Variants in CORO1B observed in about 807,000 individuals in gnomAD.
CORO1B encodes coronin 1B, also known as coronin-1B.
CORO1B carries 30 observed loss-of-function variants against 51.1 expected under a neutral mutation model. That is an observed-to-expected ratio of 0.59 (90% CI 0.44 to 0.80). The LOEUF (loss-of-function observed/expected upper bound fraction) is 0.80, where lower values mean the gene tolerates loss of function less well. Among genes scored for constraint, CORO1B ranks in the 30% least tolerant of loss-of-function variants. The probability of loss-of-function intolerance (pLI) is 0.00; values close to 1 mark genes in which losing one functional copy is unlikely to be tolerated. For synonymous variants in CORO1B, 310 were observed against 289.7 expected (o/e 1.07, Z -0.71); for missense variants, 648 against 700.4 (o/e 0.93, Z 0.84).
In CORO1B at chr11:67,441,870, A is replaced by AG; in HGVS notation, c.325-9dup. On this transcript the variant is annotated splice_polypyrimidine_tract_variant and intron_variant, in intron 3 of 10. Coordinates refer to ENST00000341356, the MANE Select transcript of CORO1B (RefSeq NM_020441.3). Reference sequence around the variant, plus strand: ...CTCTGGGATCTGCCACACCTGTGGTAGGGACAGGGCCACCGAGCTCAGTCC... The same window carrying AG: ...CTCTGGGATCTGCCACACCTGTGGTAGGGGACAGGGCCACCGAGCTCAGTCC... The AG allele has an allele frequency of 6.2e-7, 1 of 1,613,108 alleles. No homozygotes were observed. Among genetic ancestry groups the AG allele is most frequent in the South Asian group, 1.1e-5 (1 of 91,088 alleles).
Position 67,442,003 on chromosome 11 carries a change from T to G in CORO1B, c.287A>C (p.Glu96Ala). 4 of 1,613,244 alleles carry G rather than the reference T, an allele frequency of 2.5e-6. No individual in the cohort carries two copies. Among genetic ancestry groups the G allele is most frequent in the Non-Finnish European group, 3.4e-6 (4 of 1,180,006 alleles). Residue 96 changes from glutamate (E) to alanine (A), a missense_variant, in exon 3 of 11, where the codon GAA becomes GCA. Glu to Ala is a moderately radical substitution (Grantham distance 107, BLOSUM62 -1). Transcript: ENST00000341356. ...LDIDWCPHND[E>A]VIASGSEDCT... is the part of the protein sequence containing the mutation. ...GTCCTCCGAGCCGCTGGCTATGACT[T>G]CGTCGTTGTGAGGACACCAGTCGAT...
chr11:67,438,279 A>G lies in CORO1B; in HGVS notation c.*97T>C, dbSNP rs759709865. ...GGAACTGACCCCTGCGCTGCCTCAG[A>G]GGCTCTGGGCAGCCAGCTAGCCCGG... On this transcript the variant is annotated 3_prime_UTR_variant, in exon 11 of 11. Transcript: ENST00000341356. 19 of 1,490,636 alleles carry G rather than the reference A, an allele frequency of 1.3e-5. No homozygotes were observed. Among genetic ancestry groups the G allele is most frequent in the Admixed American group, 9.9e-5 (5 of 50,386 alleles). The allele number at this position is 1,490,636 out of a possible 1,614,324, so 92.3% of individuals were successfully genotyped here.
chr11:67,442,032 C>T lies in CORO1B; in HGVS notation c.258G>A (p.Leu86=), dbSNP rs1301115874. The change falls in exon 3 of 11, where the codon CTG becomes CTA. Residue 86 remains leucine (L), a synonymous_variant. Coordinates refer to ENST00000341356, the MANE Select transcript of CORO1B (RefSeq NM_020441.3). ...CGTTGTGAGGACACCAGTCGATGTC[C>T]AGGACAGGTCCCGTGTGCCCACACA... ...PTVCGHTGPV[L]DIDWCPHNDE... 1.3e-5 allele frequency: 21 copies of T among 1,613,090 alleles called. No individual in the cohort carries two copies. The highest frequency in any genetic ancestry group is 1.4e-5 in the Non-Finnish European group (16 of 1,180,018).
Position 67,440,431 on chromosome 11 carries a change from G to A in CORO1B, c.765C>T (p.Leu255=), listed in dbSNP as rs373202807. 7 of 1,613,652 alleles carry A rather than the reference G, an allele frequency of 4.3e-6. No homozygotes were observed. The highest frequency in any genetic ancestry group is 1.3e-5 in the African/African-American group (1 of 74,930). Residue 255 remains leucine (L), a synonymous_variant, in exon 7 of 11, where the codon CTC becomes CTT. Transcript: ENST00000341356. ...GTTCCTGCAGGGCCATGGGTTCCTC[G>A]AGGTTTTCCTGGCACATTGCAGGCA... ...RQLALWDPEN[L]EEPMALQELD...
chr11:67,435,955 T>C lies in CORO1B; in HGVS notation c.*2421A>G. 1.2e-6 allele frequency: 2 copies of C among 1,613,452 alleles called. No individual in the cohort carries two copies. Among genetic ancestry groups the C allele is most frequent in the East Asian group, 4.5e-5 (2 of 44,884 alleles). On this transcript the variant is annotated 3_prime_UTR_variant, in exon 11 of 11. Transcript: ENST00000341356. ...GCTCTGGGCTGGACGCCTCTCCACA[T>C]TGCTGCTCGCCTTCCCCAGGGTCAG...
rs1864311165 is a variant in CORO1B, at chr11:67,437,514, C to T, written c.*862G>A. On this transcript the variant is annotated 3_prime_UTR_variant, in exon 11 of 11. Transcript: ENST00000341356. ...ACTCCTCTTAGGTCTCACCTCTTCC[C>T]TGGGGCCAATGTGGGGCCCTCCTTA... The T allele has an allele frequency of 3.2e-6, 4 of 1,267,542 alleles. No individual in the cohort carries two copies. In the African/African-American group the frequency reaches 4.6e-5, roughly 15 times the overall value. The allele number at this position is 1,267,542 out of a possible 1,614,324, so 78.5% of individuals were successfully genotyped here. A position where few individuals can be genotyped will look rare whatever the true frequency, so the allele number is the denominator to read the frequency against.
chr11:67,436,233 G>A lies in CORO1B; in HGVS notation c.*2143C>T. On this transcript the variant is annotated 3_prime_UTR_variant, in exon 11 of 11. Transcript: ENST00000341356. Reference sequence around the variant, plus strand: ...CCAGTGGCCAGCAGTAGGAGCAGCAGCAGCAGCAGGACAACGGTGACAGAG... The same window carrying A: ...CCAGTGGCCAGCAGTAGGAGCAGCAACAGCAGCAGGACAACGGTGACAGAG... 3 of 1,546,700 alleles carry A rather than the reference G, an allele frequency of 1.9e-6. No individual in the cohort carries two copies. Among genetic ancestry groups the A allele is most frequent in the Non-Finnish European group, 2.6e-6 (3 of 1,149,408 alleles).
In CORO1B at chr11:67,440,383, C is replaced by A; in HGVS notation, c.813G>T (p.Leu271=). The change falls in exon 7 of 11, where the codon CTG becomes CTT. Residue 271 remains leucine (L), a synonymous_variant. Transcript: ENST00000341356. The stretch of plus-strand genomic sequence containing the variant: ...TGGTGTCGGGGTCGTAGAAGGGCAG[C>A]AGGGCCCCGTTGCTCGAGTCCAGTT... The part of the protein sequence containing the change: ...LQELDSSNGA[L]LPFYDPDTSV... 1 of 1,613,904 alleles carries A rather than the reference C, an allele frequency of 6.2e-7. No homozygotes were observed. Among genetic ancestry groups the A allele is most frequent in the Non-Finnish European group, 8.5e-7 (1 of 1,180,002 alleles).
intron 1 of CORO1B, among the ~76,000 whole-genome samples, chr11:67,443,116 C>T (rs989890598): frequency 6.6e-6 from 1 of 152,176 alleles, no homozygotes; most frequent in Non-Finnish European, 1.5e-5. Context: ...TCCAGGGAGC[C>T]CCGGCATGGC....
chr11:67,440,420 A>T lies in CORO1B; in HGVS notation c.776T>A (p.Met259Lys). 2.5e-6 allele frequency: 4 copies of T among 1,613,836 alleles called. No individual in the cohort carries two copies. Among genetic ancestry groups the T allele is most frequent in the Non-Finnish European group, 3.4e-6 (4 of 1,179,980 alleles). ...GCTCGAGTCCAGTTCCTGCAGGGCC[A>T]TGGGTTCCTCGAGGTTTTCCTGGCA... ...LWDPENLEEPMALQELDSSNG... is the reference protein window; with the variant it reads ...LWDPENLEEPKALQELDSSNG... The change falls in exon 7 of 11, where the codon ATG becomes AAG. Residue 259 changes from methionine (M) to lysine (K), a missense_variant. Met to Lys is a moderately conservative substitution (Grantham distance 95, BLOSUM62 -1). Transcript: ENST00000341356.
At chr11:67,440,929 A>T (rs945980830) in intron 6 of CORO1B, 196 bp downstream of exon 6, 1 of 719,244 alleles carries the variant, frequency 1.4e-6, no homozygotes, top group Admixed American at 2.3e-5. Context: ...AGGCAGTGGG[A>T]GGCCATGGGG....
Position 67,435,558 on chromosome 11 carries a change from T to TGG in CORO1B, c.*2816_*2817dup, listed in dbSNP as rs141116917. Reference sequence around the variant, plus strand: ...CAAATGGTTGCCTGATGCCTGTGGTTGGGGGGGGCCGTTCCCGTGGTGAGC... The same window carrying TGG: ...CAAATGGTTGCCTGATGCCTGTGGTTGGGGGGGGGGCCGTTCCCGTGGTGAGC... On this transcript the variant is annotated 3_prime_UTR_variant, in exon 11 of 11. Coordinates refer to ENST00000341356, the MANE Select transcript of CORO1B (RefSeq NM_020441.3). 16 of 932,416 alleles carry TGG rather than the reference T, an allele frequency of 1.7e-5. No individual in the cohort carries two copies. In the African/African-American group the frequency reaches 2.4e-4, roughly 14 times the overall value. 57.8% of individuals were successfully genotyped at this position (932,416 alleles called of 1,614,324 possible).
At chr11:67,440,465 A>G (rs766100757) in intron 6 of CORO1B, 26 bp from the exon 7 acceptor site, 7 of 1,606,216 alleles carry the variant, frequency 4.4e-6, no homozygotes, top group Non-Finnish European at 6.0e-6. Context: ...CAGTCAGGCC[A>G]AGCAGAACCT....
rs765938315 is a variant in CORO1B at position 67,440,883 on chromosome 11, C to T, written c.756+242G>A. ...CAGGCAAGCAAGGGAGAGAAGGGCC[C>T]TTCCGTTGGCATGAACAACATGGGC... is the stretch of plus-strand genomic sequence containing the variant. On this transcript the variant is annotated intron_variant, in intron 6 of 10. Coordinates refer to ENST00000341356, the MANE Select transcript of CORO1B (RefSeq NM_020441.3). 4.7e-5 allele frequency: 31 copies of T among 658,228 alleles called. No individual in the cohort carries two copies. The South Asian group carries it at 5.1e-4, about 11-fold the overall frequency. The allele number at this position is 658,228 out of a possible 1,614,324, so 40.8% of individuals were successfully genotyped here. A position where few individuals can be genotyped will look rare whatever the true frequency, so the allele number is the denominator to read the frequency against.
Position 67,440,276 on chromosome 11 carries a change from G to T in CORO1B, c.862-13C>A. On this transcript the variant is annotated splice_polypyrimidine_tract_variant and intron_variant, in intron 7 of 10. Coordinates refer to ENST00000341356, the MANE Select transcript of CORO1B (RefSeq NM_020441.3). The stretch of plus-strand genomic sequence containing the variant: ...TGCTGGAGTCACCCTGTGTGGGGAG[G>T]GGGCTCAGCACCTGGGCACGCCTCT... 6.2e-7 allele frequency: 1 copy of T among 1,612,872 alleles called. No individual in the cohort carries two copies. Among genetic ancestry groups the T allele is most frequent in the Non-Finnish European group, 8.5e-7 (1 of 1,179,332 alleles).
upstream of CORO1B, chr11:67,443,495 T>C (rs1864437515): frequency 2.0e-6 from 2 of 983,984 alleles, no homozygotes; most frequent in Non-Finnish European, 2.4e-6. Context: ...ATTCAGGAAG[T>C]GACAGAGGGA....
chr11:67,439,486 G>A (rs534194157), intron 9 of CORO1B, among the ~76,000 whole-genome samples: 3 of 152,312 alleles, frequency 2.0e-5, no homozygotes, highest in African/African-American at 7.2e-5. Flanking sequence ...GCTGTGTTAT[G>A]GGTCCTGCCT....
At position 67,435,809 on chromosome 11, in the gene CORO1B, G is replaced by C; in HGVS notation, c.*2567C>G. The C allele has an allele frequency of 6.2e-7, 1 of 1,600,824 alleles. No individual in the cohort carries two copies. The highest frequency in any genetic ancestry group is 8.5e-7 in the Non-Finnish European group (1 of 1,174,686). On this transcript the variant is annotated 3_prime_UTR_variant, in exon 11 of 11. Transcript: ENST00000341356. ...ATCCCAGGCTGCGCTGCCAGCAAAG[G>C]CGTGCAGGTCACTCAGCAGGGCCTC...
Position 67,438,005 on chromosome 11 carries a change from T to C in CORO1B, c.*371A>G, listed in dbSNP as rs1252866805. The C allele has an allele frequency of 2.8e-6, 1 of 351,340 alleles. No homozygotes were observed. Among genetic ancestry groups the C allele is most frequent in the African/African-American group, 2.1e-5 (1 of 47,898 alleles). 21.8% of individuals were successfully genotyped at this position (351,340 alleles called of 1,614,324 possible). A position where few individuals can be genotyped will look rare whatever the true frequency, so the allele number is the denominator to read the frequency against. On this transcript the variant is annotated 3_prime_UTR_variant, in exon 11 of 11. Coordinates refer to ENST00000341356, the MANE Select transcript of CORO1B (RefSeq NM_020441.3). ...CCTGTGACATCCTCTGTCTCCAGGT[T>C]TCCAGACTTCTCAGCCCCACCCTTG...
Sources: gnomAD v4.1 joint callset for allele counts (sites outside exome capture counted in the v4.1 genomes callset) on GRCh38, gnomAD v4.1.1 for gene constraint, MANE v1.5 for transcripts, NCBI Gene and HGNC (gene_info 2026-07-23, HGNC 2026-07-21) for gene names.